The following DOCK7 variants were observed in gnomAD, a reference collection of about 807,000 sequenced individuals.
The protein encoded by DOCK7 is dedicator of cytokinesis protein 7.
A neutral mutation model predicts 271.0 loss-of-function variants in DOCK7; 138 were observed. That is an observed-to-expected ratio of 0.51 (90% CI 0.44 to 0.59). DOCK7 has a LOEUF of 0.59. DOCK7 is among the 20% of genes least tolerant of loss of function. The pLI is 0.00. For missense variants in DOCK7, 2,066 were observed against 2,592.4 expected, an observed-to-expected ratio of 0.80 and a Z score of 4.41; for synonymous variants, 823 against 876.1, an observed-to-expected ratio of 0.94 and a Z score of 1.07.
intron 8 of DOCK7, among the ~76,000 whole-genome samples, chr1:62,636,249 T>C (rs1390024753): frequency 6.6e-6 from 1 of 152,226 alleles, no homozygotes; most frequent in Non-Finnish European, 1.5e-5. Context: ...GTCATTCCTA[T>C]TGTTATGTAC....
intron 1 of DOCK7, among the ~76,000 whole-genome samples, chr1:62,665,733 A>G (rs1191262638): frequency 6.6e-6 from 1 of 151,294 alleles, no homozygotes; most frequent in East Asian, 1.9e-4. Flanking sequence ...AAAAAAAAAA[A>G]AAAAAAGGAC....
chr1:62,655,413 T>C (rs538535511), intron 2 of DOCK7, among the ~76,000 whole-genome samples: 7 of 140,196 alleles, frequency 5.0e-5, no homozygotes, highest in South Asian at 2.3e-4. Flanking sequence ...GACTGAACTT[T>C]TTTTTTCTTT....
chr1:62,460,040 C>T (rs1158306617), intron 48 of DOCK7, among the ~76,000 whole-genome samples: 1 of 134,068 alleles, frequency 7.5e-6, no homozygotes, highest in East Asian at 2.4e-4. Context: ...GCGGAGCTTG[C>T]AGTGAGCAGA....
At chr1:62,597,706 C>G in intron 14 of DOCK7, 1 of 1,613,522 alleles carries the variant, frequency 6.2e-7, no homozygotes, top group Non-Finnish European at 8.5e-7. Context: ...AAAATTTTAG[C>G]CAATGGCCTC....
rs146166939 is a variant in DOCK7, at chr1:62,665,090, G to A, written c.39-1960C>T. Among the ~76,000 whole-genome samples, 584 of 152,202 alleles carry A rather than the reference G, an allele frequency of 3.8e-3. 6 individuals are homozygous for A. Among genetic ancestry groups the A allele is most frequent in the African/African-American group, 0.013 (531 of 41,556 alleles). On this transcript the variant is annotated intron_variant, in intron 1 of 49. Transcript: ENST00000635253. ...AAACCTCCGCCTTCCAGGTTCAAGCGATTCTCCTGCCTCAGCCTCCCAAGT... is the reference window on the plus strand; with the variant it reads ...AAACCTCCGCCTTCCAGGTTCAAGCAATTCTCCTGCCTCAGCCTCCCAAGT...
chr1:62,512,534 T>G (rs1644517510), intron 33 of DOCK7, among the ~76,000 whole-genome samples: 1 of 152,192 alleles, frequency 6.6e-6, no homozygotes, highest in African/African-American at 2.4e-5. Flanking sequence ...GCTACTAAAC[T>G]GTTTTGTCTC....
intron 48 of DOCK7, among the ~76,000 whole-genome samples, chr1:62,464,000 C>A (rs1250334401): frequency 6.6e-6 from 1 of 152,046 alleles, no homozygotes; most frequent in South Asian, 2.1e-4. Flanking sequence ...TTTAAAAAAA[C>A]AAAACCCCAA....
chr1:62,590,263 T>C (rs1291392329), intron 14 of DOCK7, among the ~76,000 whole-genome samples: 2 of 152,144 alleles, frequency 1.3e-5, no homozygotes, highest in African/African-American at 2.4e-5. Context: ...GGAAAAAAGA[T>C]AATGCAATAA....
intron 29 of DOCK7, 146 bp downstream of exon 29, chr1:62,535,347 T>C: frequency 3.1e-6 from 2 of 635,410 alleles, no homozygotes; most frequent in Non-Finnish European, 5.1e-6. Flanking sequence ...AGATAAATAA[T>C]ATAAGTGAGA....
rs144717298 is a variant in DOCK7, at chr1:62,673,801, C to CT, written c.39-10672dup. On this transcript the variant is annotated intron_variant, in intron 1 of 49. Transcript: ENST00000635253. ...ACATCTACCTACAAATAACATCATACTTAACAGTGAAAGTCTGAATGCTTT... is the reference window on the plus strand; with the variant it reads ...ACATCTACCTACAAATAACATCATACTTTAACAGTGAAAGTCTGAATGCTTT... 3.3e-3 allele frequency among the ~76,000 whole-genome samples: 508 copies of CT among 152,182 alleles called. 4 individuals are homozygous for CT. The highest frequency in any genetic ancestry group is 0.012 in the African/African-American group (497 of 41,536).
At chr1:62,568,214 G>T (rs561785607) in intron 18 of DOCK7, among the ~76,000 whole-genome samples, 1 of 152,066 alleles carries the variant, frequency 6.6e-6, no homozygotes, top group South Asian at 2.1e-4. Flanking sequence ...AGAACAAAAA[G>T]ACAATGTACC....
At chr1:62,678,395 A>C (rs1660755599) in intron 1 of DOCK7, among the ~76,000 whole-genome samples, 1 of 152,258 alleles carries the variant, frequency 6.6e-6, no homozygotes, top group Admixed American at 6.5e-5. Context: ...AGCAAGGTAT[A>C]GCTGGATACA....
At chr1:62,576,648 C>T (rs1230655481) in intron 18 of DOCK7, among the ~76,000 whole-genome samples, 1 of 152,202 alleles carries the variant, frequency 6.6e-6, no homozygotes, top group African/African-American at 2.4e-5. Context: ...TATTCAAAAT[C>T]ATTAAGAGAC....
At position 62,559,059 on chromosome 1, in the gene DOCK7, T is replaced by C; in HGVS notation, c.2361A>G (p.Arg787=). 3 of 1,613,844 alleles carry C rather than the reference T, an allele frequency of 1.9e-6. No individual in the cohort carries two copies. The highest frequency in any genetic ancestry group is 2.5e-6 in the Non-Finnish European group (3 of 1,179,880). The stretch of plus-strand genomic sequence containing the variant: ...GTTTATCTAGCAGAAGATGAAGAAA[T>C]CGGACCACTGGTTCCAGCTGGGATG... ...LNSSQLEPVV[R]FLHLLLDKLI... is the part of the protein sequence containing the mutation. Residue 787 remains arginine, a synonymous_variant, in exon 20 of 50, where the codon CGA becomes CGG. Coordinates refer to ENST00000635253, the MANE Select transcript of DOCK7 (RefSeq NM_001367561.1).
At chr1:62,485,651 G>C in intron 43 of DOCK7, 1 of 985,288 alleles carries the variant, frequency 1.0e-6, no homozygotes, top group Non-Finnish European at 1.2e-6. Flanking sequence ...ACACAAGATA[G>C]AACTTACCAC....
At chr1:62,536,597 C>T (rs1443909255) in intron 28 of DOCK7, among the ~76,000 whole-genome samples, 1 of 152,076 alleles carries the variant, frequency 6.6e-6, no homozygotes, top group Non-Finnish European at 1.5e-5. Context: ...GATTTTTTTA[C>T]AGAGATAAAA....
chr1:62,535,260 G>A lies in DOCK7; in HGVS notation c.3611+233C>T, dbSNP rs773957342. Among the ~76,000 whole-genome samples, 30 of 152,072 alleles carry A rather than the reference G, an allele frequency of 2.0e-4. 1 individual carries two copies. The South Asian group carries it at 3.5e-3, about 18-fold the overall frequency. ...AACACTACTAAATGAATTATGATACGCCACCAATTTTAAGACAAATCCCAA... is the reference window on the plus strand; with the variant it reads ...AACACTACTAAATGAATTATGATACACCACCAATTTTAAGACAAATCCCAA... On this transcript the variant is annotated intron_variant, in intron 29 of 49. Transcript: ENST00000635253.
chr1:62,545,281 T>C, intron 22 of DOCK7, among the ~76,000 whole-genome samples: 1 of 152,102 alleles, frequency 6.6e-6, no homozygotes, highest in East Asian at 1.9e-4. Flanking sequence ...TAATTTTTCT[T>C]TATGTAAAGG....
intron 35 of DOCK7, among the ~76,000 whole-genome samples, chr1:62,506,023 A>G (rs1158368437): frequency 6.6e-6 from 1 of 152,142 alleles, no homozygotes; most frequent in Non-Finnish European, 1.5e-5. Flanking sequence ...AAGAATAAAT[A>G]TAATTTAAAT....
Sources: gnomAD v4.1 joint callset for allele counts (sites outside exome capture counted in the v4.1 genomes callset) on GRCh38, gnomAD v4.1.1 for gene constraint, MANE v1.5 for transcripts, NCBI Gene and HGNC (gene_info 2026-07-23, HGNC 2026-07-21) for gene names.